MDFIC2: variants seen among roughly 807,000 people sequenced by gnomAD.
MDFIC2 encodes the protein MyoD family inhibitor domain containing 2.
At chr3:70,280,755 T>G (rs1385328270) in intron 2 of MDFIC2, among the ~76,000 whole-genome samples, 2 of 152,140 alleles carry the variant, frequency 1.3e-5, no homozygotes, top group Admixed American at 6.6e-5. Flanking sequence ...CGCCTTTCTG[T>G]GTAAAACCCG....
intron 3 of MDFIC2, among the ~76,000 whole-genome samples, chr3:70,204,082 A>G (rs1701267896): frequency 6.6e-6 from 1 of 152,178 alleles, no homozygotes; most frequent in Non-Finnish European, 1.5e-5. Context: ...ACATTTTACA[A>G]AATCTGCATG....
intron 3 of MDFIC2, among the ~76,000 whole-genome samples, chr3:70,199,565 A>AT (rs1701215634): frequency 6.6e-6 from 1 of 152,000 alleles, no homozygotes; most frequent in African/African-American, 2.4e-5. Flanking sequence ...TTGAAAACAG[A>AT]TTTTTCCGAT....
At chr3:70,203,717 T>A (rs1315614854) in intron 3 of MDFIC2, among the ~76,000 whole-genome samples, 2 of 152,198 alleles carry the variant, frequency 1.3e-5, no homozygotes, top group Admixed American at 6.5e-5. Context: ...TTTTGAGGTA[T>A]CTTGTATTTA....
intron 2 of MDFIC2, among the ~76,000 whole-genome samples, chr3:70,268,271 G>A (rs1701940703): frequency 6.6e-6 from 1 of 151,994 alleles, no homozygotes; most frequent in South Asian, 2.1e-4. Context: ...AGAAGTTCGC[G>A]ACCAGCCTGG....
chr3:70,279,359 G>A (rs576512463), intron 2 of MDFIC2, among the ~76,000 whole-genome samples: 2 of 152,124 alleles, frequency 1.3e-5, no homozygotes, highest in South Asian at 2.1e-4. Flanking sequence ...AAATCCATTC[G>A]ATTCCAATGG....
At chr3:70,312,371 C>G (rs1253429882) in intron 1 of MDFIC2, among the ~76,000 whole-genome samples, 180 bp downstream of exon 1, 7 of 152,174 alleles carry the variant, frequency 4.6e-5, no homozygotes, top group Admixed American at 4.6e-4. Context: ...CAATAAAACA[C>G]AAAAGCATCT....
intron 3 of MDFIC2, among the ~76,000 whole-genome samples, chr3:70,201,571 A>G (rs1478756218): frequency 6.6e-6 from 1 of 152,166 alleles, no homozygotes; most frequent in Admixed American, 6.5e-5. Context: ...CTGTTTATGG[A>G]TGAGGAAACT....
intron 2 of MDFIC2, among the ~76,000 whole-genome samples, chr3:70,303,272 A>G (rs1010833618): frequency 6.6e-6 from 1 of 151,994 alleles, no homozygotes; most frequent in African/African-American, 2.4e-5. Context: ...AGAAGCATCT[A>G]CCTCTCATTG....
intron 2 of MDFIC2, among the ~76,000 whole-genome samples, chr3:70,240,336 CT>C (rs537916067): frequency 6.3e-4 from 92 of 145,946 alleles, no homozygotes; most frequent in Middle Eastern, 3.6e-3. Context: ...TAACCAATTA[CT>C]TTTTTTTTTT....
chr3:70,253,724 A>T (rs1343156942), intron 2 of MDFIC2, among the ~76,000 whole-genome samples: 1 of 152,172 alleles, frequency 6.6e-6, no homozygotes, highest in Non-Finnish European at 1.5e-5. Context: ...CCCCAACTCT[A>T]AAAAAAGTAA....
intron 2 of MDFIC2, among the ~76,000 whole-genome samples, chr3:70,275,625 T>C (rs952246856): frequency 3.3e-5 from 5 of 152,226 alleles, no homozygotes; most frequent in Middle Eastern, 3.2e-3. Flanking sequence ...CTCTGTGACC[T>C]GGGCAAGTCA....
At chr3:70,231,094 T>A (rs1701555540) in intron 2 of MDFIC2, among the ~76,000 whole-genome samples, 1 of 152,216 alleles carries the variant, frequency 6.6e-6, no homozygotes, top group Non-Finnish European at 1.5e-5. Flanking sequence ...GCTCTATTGT[T>A]ATCAATTGTA....
At chr3:70,234,337 G>A (rs1484521913) in intron 2 of MDFIC2, among the ~76,000 whole-genome samples, 8 of 152,136 alleles carry the variant, frequency 5.3e-5, no homozygotes, top group East Asian at 1.9e-4. Context: ...GGGATAAAAA[G>A]CAAACAGTAC....
At chr3:70,279,042 T>C (rs1156394119) in intron 2 of MDFIC2, among the ~76,000 whole-genome samples, 1 of 150,810 alleles carries the variant, frequency 6.6e-6, no homozygotes, top group Non-Finnish European at 1.5e-5. Flanking sequence ...TTCTCCCTTG[T>C]CAAGCTTTCT....
intron 2 of MDFIC2, among the ~76,000 whole-genome samples, chr3:70,286,356 A>T (rs1702162542): frequency 6.6e-6 from 1 of 152,118 alleles, no homozygotes; most frequent in South Asian, 2.1e-4. Flanking sequence ...TTTGTCAAAG[A>T]TCAGATAGTT....
chr3:70,252,984 G>A (rs538874093), intron 2 of MDFIC2, among the ~76,000 whole-genome samples: 12 of 152,164 alleles, frequency 7.9e-5, no homozygotes, highest in African/African-American at 2.9e-4. Context: ...GGAGGCTGAG[G>A]CAAGAGAATC....
intron 2 of MDFIC2, among the ~76,000 whole-genome samples, chr3:70,253,506 C>T (rs966395021): frequency 6.6e-6 from 1 of 152,182 alleles, no homozygotes; most frequent in Non-Finnish European, 1.5e-5. Flanking sequence ...GTCATCCCAG[C>T]ACTTTGGGAG....
chr3:70,219,107 G>A (rs567033165), intron 2 of MDFIC2, among the ~76,000 whole-genome samples: 129 of 152,276 alleles, frequency 8.5e-4, no homozygotes, highest in African/African-American at 2.6e-3. Context: ...AGGCTTTCAA[G>A]TTTAAGGTAT....
chr3:70,270,938 A>G (rs1373331203), intron 2 of MDFIC2, among the ~76,000 whole-genome samples: 6 of 152,126 alleles, frequency 3.9e-5, no homozygotes, highest in Non-Finnish European at 8.8e-5. Context: ...AATGTAGATG[A>G]TGGATTGATG....
Sources: allele counts gnomAD v4.1 joint callset (sites outside exome capture counted in the v4.1 genomes callset), GRCh38; gene constraint gnomAD v4.1.1; transcripts MANE v1.5; gene names NCBI Gene and HGNC (gene_info 2026-07-23, HGNC 2026-07-21).